Variants in XKR6 observed in about 807,000 individuals in gnomAD.
XKR6 encodes XK related 6, also known as XK-related protein 6.
XKR6 carries 22 observed loss-of-function variants against 56.7 expected under a neutral mutation model. The ratio of observed to expected loss-of-function variants is 0.39; its 90% confidence interval spans 0.28 to 0.55. XKR6 has a LOEUF of 0.55. Ranked by LOEUF, XKR6 falls within the 20% of genes least tolerant of loss-of-function variation. XKR6 has a pLI of 0.66. For missense variants in XKR6, 852 were observed against 889.0 expected, an observed-to-expected ratio of 0.96 and a Z score of 0.53; for synonymous variants, 524 against 387.8, an observed-to-expected ratio of 1.35 and a Z score of -4.13.
chr8:10,996,264 C>G (rs139772707), intron 1 of XKR6, among the ~76,000 whole-genome samples: 2 of 152,280 alleles, frequency 1.3e-5, no homozygotes, highest in East Asian at 1.9e-4. Context: ...GTGTGTGGAA[C>G]AGTGGGCCCC....
Position 11,090,377 on chromosome 8 carries a change from T to C in XKR6, c.764+110199A>G, listed in dbSNP as rs139462376. Among the ~76,000 whole-genome samples, 779 of 151,760 alleles carry C rather than the reference T, an allele frequency of 5.1e-3. 9 individuals carry two copies. The highest frequency in any genetic ancestry group is 0.018 in the African/African-American group (739 of 41,278). On this transcript the variant is annotated intron_variant, in intron 1 of 2. Coordinates refer to ENST00000416569, the MANE Select transcript of XKR6 (RefSeq NM_173683.4). ...TGTTGGGATTACAGGTGTGAGCCACTGCACCCACTTCCAGTCGCTTTTTAA... is the reference window on the plus strand; with the variant it reads ...TGTTGGGATTACAGGTGTGAGCCACCGCACCCACTTCCAGTCGCTTTTTAA...
intron 1 of XKR6, among the ~76,000 whole-genome samples, chr8:11,180,741 C>CA (rs200435649): frequency 0.022 from 3,296 of 151,452 alleles, 104 homozygotes; most frequent in African/African-American, 0.072. Context: ...CCCAACTCCA[C>CA]AAAAAAAATA....
At chr8:11,149,818 T>C (rs1318074022) in intron 1 of XKR6, among the ~76,000 whole-genome samples, 3 of 152,180 alleles carry the variant, frequency 2.0e-5, no homozygotes, top group African/African-American at 7.2e-5. Flanking sequence ...AGCAAAGATG[T>C]GGACTCACCC....
intron 1 of XKR6, among the ~76,000 whole-genome samples, chr8:11,093,143 C>A (rs961911299): frequency 6.0e-5 from 9 of 150,854 alleles, no homozygotes; most frequent in South Asian, 4.2e-4. Flanking sequence ...GCAACCTCCA[C>A]CTCCCGGGTT....
intron 2 of XKR6, among the ~76,000 whole-genome samples, chr8:10,900,523 G>T (rs1800005899): frequency 6.6e-6 from 1 of 152,232 alleles, no homozygotes; most frequent in African/African-American, 2.4e-5. Flanking sequence ...ATGGGCATGT[G>T]TGACTCTTTC....
intron 1 of XKR6, among the ~76,000 whole-genome samples, chr8:10,960,704 G>A (rs1802035572): frequency 6.6e-6 from 1 of 152,170 alleles, no homozygotes; most frequent in Admixed American, 6.5e-5. Flanking sequence ...CAGAACCTTA[G>A]GTCTGAGACC....
chr8:11,187,666 C>A (rs1466344078), intron 1 of XKR6, among the ~76,000 whole-genome samples: 1 of 152,056 alleles, frequency 6.6e-6, no homozygotes, highest in Non-Finnish European at 1.5e-5. Flanking sequence ...TATCAAAGCA[C>A]CTTCCTTTTG....
intron 1 of XKR6, among the ~76,000 whole-genome samples, chr8:11,112,666 A>C (rs73662697): frequency 0.023 from 3,562 of 152,314 alleles, 156 homozygotes; most frequent in African/African-American, 0.079. Context: ...AGAACCACTG[A>C]GTGCACACTG....
Position 10,898,514 on chromosome 8 carries a change from G to A in XKR6, c.1364C>T (p.Ala455Val), listed in dbSNP as rs766310183. The A allele has an allele frequency of 6.2e-6, 10 of 1,613,890 alleles. No homozygotes were observed. The South Asian group carries it at 9.9e-5, about 16-fold the overall frequency. Residue 455 changes from alanine to valine, a missense_variant, in exon 3 of 3, where the codon GCC becomes GTC. Ala to Val is a moderately conservative substitution (Grantham distance 64, BLOSUM62 0). Coordinates refer to ENST00000416569, the MANE Select transcript of XKR6 (RefSeq NM_173683.4). This position sits in a 1 kb window ranked among gnomAD's most constrained non-coding sequence, Gnocchi z 6.6. ...GTAAAAATACCAAAGGAACGTCAAG[G>A]CAGCATTCTCGGTCAAGACTATCGT... ...YYTIVLTENA[A>V]LTFLWYFYRD...
chr8:11,139,284 G>C (rs17152921), intron 1 of XKR6, among the ~76,000 whole-genome samples: 20,710 of 152,156 alleles, frequency 0.14, 2,972 homozygotes, highest in African/African-American at 0.37. Flanking sequence ...AAAACCCAAA[G>C]TCAGACATCA....
At chr8:10,976,856 G>C (rs1343519488) in intron 1 of XKR6, among the ~76,000 whole-genome samples, 8 of 152,072 alleles carry the variant, frequency 5.3e-5, no homozygotes, top group East Asian at 1.9e-4. Context: ...CTCCCTGAAA[G>C]AAAACATCTG....
chr8:10,922,041 A>G (rs1800739314), intron 2 of XKR6, among the ~76,000 whole-genome samples: 1 of 152,234 alleles, frequency 6.6e-6, no homozygotes, highest in Non-Finnish European at 1.5e-5. Context: ...GCCATGTAAG[A>G]ACACAGTGTT....
At chr8:11,067,635 T>C (rs1800014976) in intron 1 of XKR6, among the ~76,000 whole-genome samples, 1 of 152,264 alleles carries the variant, frequency 6.6e-6, no homozygotes, top group Non-Finnish European at 1.5e-5. Flanking sequence ...TCTCTTCCTG[T>C]TACCAGCTGA....
At chr8:10,930,103 G>A (rs114173517) in intron 1 of XKR6, among the ~76,000 whole-genome samples, 2,278 of 152,272 alleles carry the variant, frequency 0.015, 41 homozygotes, top group African/African-American at 0.043. Context: ...TCCAAACTAT[G>A]TTGCCCCTCT....
rs1256305051 is a variant in XKR6 at position 10,897,300 on chromosome 8, T to C, written c.*652A>G. 6.6e-6 allele frequency: 1 copy of C among 152,632 alleles called. No homozygotes were observed. Among genetic ancestry groups the C allele is most frequent in the Non-Finnish European group, 1.5e-5 (1 of 68,042 alleles). 9.5% of individuals were successfully genotyped at this position (152,632 alleles called of 1,614,324 possible). ...TTTTGCTTTTGGTAAATTTGTTTTC[T>C]TCAATACAAATAATCAGATAGGAAG... On this transcript the variant is annotated 3_prime_UTR_variant, in exon 3 of 3. Coordinates refer to ENST00000416569, the MANE Select transcript of XKR6 (RefSeq NM_173683.4).
At chr8:11,160,246 T>C (rs1320075288) in intron 1 of XKR6, among the ~76,000 whole-genome samples, 1 of 152,118 alleles carries the variant, frequency 6.6e-6, no homozygotes. Flanking sequence ...TAAGTAGGGA[T>C]TTTCTGTTGT....
At chr8:10,963,097 C>T (rs1259836007) in intron 1 of XKR6, among the ~76,000 whole-genome samples, 1 of 152,218 alleles carries the variant, frequency 6.6e-6, no homozygotes, top group African/African-American at 2.4e-5. Flanking sequence ...AAGCACATCC[C>T]GCTTCTCCTC....
chr8:11,061,905 CAGCTGCTGCT>C, intron 1 of XKR6, among the ~76,000 whole-genome samples: 1 of 152,214 alleles, frequency 6.6e-6, no homozygotes, highest in East Asian at 1.9e-4. Context: ...CGGCCAGCAT[CAGCTGCTGCT>C]GCTCTTAGCT....
chr8:11,077,207 T>G (rs1362599823), intron 1 of XKR6, among the ~76,000 whole-genome samples: 1 of 152,076 alleles, frequency 6.6e-6, no homozygotes, highest in Non-Finnish European at 1.5e-5. Context: ...AAGCATTGTG[T>G]CCAGCTGCCG....
Sources: allele counts gnomAD v4.1 joint callset (sites outside exome capture counted in the v4.1 genomes callset), GRCh38; gene constraint gnomAD v4.1.1; non-coding constraint Gnocchi (gnomAD v3.1); transcripts MANE v1.5; gene names NCBI Gene and HGNC (gene_info 2026-07-23, HGNC 2026-07-21).